TFPI: variants seen among roughly 807,000 people sequenced by gnomAD.
TFPI encodes the protein anti-convertin.
A neutral mutation model predicts 34.6 loss-of-function variants in TFPI; 15 were observed. The observed-to-expected ratio is 0.43, with a 90% CI of 0.29 to 0.67. The LOEUF is 0.67. Ranked by LOEUF, TFPI falls within the 30% of genes least tolerant of loss-of-function variation. The probability of loss-of-function intolerance (pLI) is 0.15; values close to 1 mark genes in which losing one functional copy is unlikely to be tolerated. For synonymous variants in TFPI, 105 were observed against 120.1 expected (o/e 0.87, Z 0.82); for missense variants, 301 against 364.0 (o/e 0.83, Z 1.41).
At chr2:187,475,296 C>T (rs954902480) in intron 6 of TFPI, among the ~76,000 whole-genome samples, 5 of 151,908 alleles carry the variant, frequency 3.3e-5, no homozygotes, top group African/African-American at 9.7e-5. Flanking sequence ...GATCCAAAGA[C>T]AAAAAATATG....
intron 6 of TFPI, 119 bp downstream of exon 6, chr2:187,484,002 CATT>C (rs991554131): frequency 3.9e-6 from 3 of 774,998 alleles, no homozygotes; most frequent in African/African-American, 3.6e-5. Flanking sequence ...TCAACAAACA[CATT>C]ATTAAGCAAC....
Position 187,497,089 on chromosome 2 carries a change from A to G in TFPI, c.122-11T>C, listed in dbSNP as rs751294037. 6.2e-7 allele frequency: 1 copy of G among 1,604,140 alleles called. No individual in the cohort carries two copies. Among genetic ancestry groups the G allele is most frequent in the South Asian group, 1.1e-5 (1 of 90,200 alleles). Reference sequence around the variant, plus strand: ...GTGGCAACTCCGTATCTATAAAGTAAAAATAAAAGATATAACATGTAATCT... The same window carrying G: ...GTGGCAACTCCGTATCTATAAAGTAGAAATAAAAGATATAACATGTAATCT... On this transcript the variant is annotated splice_polypyrimidine_tract_variant and intron_variant, in intron 2 of 7. Transcript: ENST00000233156.
intron 1 of TFPI, among the ~76,000 whole-genome samples, chr2:187,535,452 A>T (rs968826705): frequency 1.3e-5 from 2 of 152,214 alleles, no homozygotes; most frequent in Non-Finnish European, 2.9e-5. Flanking sequence ...ATACAACTAC[A>T]TGGAAACTGA....
At chr2:187,519,416 C>G (rs1687223727) in intron 1 of TFPI, 1 of 152,990 alleles carries the variant, frequency 6.5e-6, no homozygotes, top group South Asian at 2.1e-4. Flanking sequence ...CAGTGCAGGT[C>G]TGCTGGAGTT....
rs189092849 is a variant in TFPI at position 187,523,590 on chromosome 2, A to T, written c.-2-19820T>A. 3.7e-3 allele frequency among the ~76,000 whole-genome samples: 556 copies of T among 152,106 alleles called. 5 individuals carry two copies. The highest frequency in any genetic ancestry group is 0.012 in the African/African-American group (490 of 41,432). On this transcript the variant is annotated intron_variant, in intron 1 of 7. Transcript: ENST00000233156. ...CCTGACCTTTTAATTTATTTTTTTT[A>T]AATTGTATAAATTAAGGTTCACTCT... is the stretch of plus-strand genomic sequence containing the variant.
At chr2:187,482,351 CTG>C (rs1377931933) in intron 6 of TFPI, among the ~76,000 whole-genome samples, 1 of 151,868 alleles carries the variant, frequency 6.6e-6, no homozygotes, top group African/African-American at 2.4e-5. Context: ...AATATAATAA[CTG>C]AATAAAACAA....
chr2:187,467,193 C>G, intron 7 of TFPI, 151 bp from the exon 8 acceptor site: 3 of 528,190 alleles, frequency 5.7e-6, no homozygotes, highest in Non-Finnish European at 9.6e-6. Context: ...TCGTGTAGAA[C>G]AATTTATTTT....
At chr2:187,510,566 G>C (rs536095766) in intron 1 of TFPI, among the ~76,000 whole-genome samples, 1 of 152,288 alleles carries the variant, frequency 6.6e-6, no homozygotes, top group South Asian at 2.1e-4. Flanking sequence ...AAAACTAAAA[G>C]GCAGAAATGA....
intron 1 of TFPI, chr2:187,519,636 T>A (rs1381979993): frequency 6.6e-6 from 1 of 152,386 alleles, no homozygotes; most frequent in Non-Finnish European, 1.5e-5. Context: ...GGGATCCACT[T>A]GAGGAGGCAG....
At chr2:187,512,185 C>A (rs1686686194) in intron 1 of TFPI, among the ~76,000 whole-genome samples, 1 of 150,596 alleles carries the variant, frequency 6.6e-6, no homozygotes, top group Non-Finnish European at 1.5e-5. Flanking sequence ...TCTGTAGCGG[C>A]AACTGCTTTG....
chr2:187,546,867 T>C (rs558972626), intron 1 of TFPI: 1 of 152,342 alleles, frequency 6.6e-6, no homozygotes, highest in African/African-American at 2.4e-5. Context: ...TTAGTTAAAA[T>C]CAATCTATTA....
intron 3 of TFPI, 125 bp downstream of exon 3, chr2:187,496,756 A>G: frequency 1.1e-6 from 1 of 872,646 alleles, no homozygotes; most frequent in Admixed American, 3.0e-5. Flanking sequence ...AAAAATGTGG[A>G]AATAAAAGAT....
intron 1 of TFPI, among the ~76,000 whole-genome samples, chr2:187,521,506 A>C (rs1687370436): frequency 6.6e-6 from 1 of 151,900 alleles, no homozygotes; most frequent in South Asian, 2.1e-4. Flanking sequence ...TTTTTGAGAA[A>C]CCTTCATATT....
At chr2:187,519,170 A>C (rs1163214308) in intron 1 of TFPI, 1 of 152,130 alleles carries the variant, frequency 6.6e-6, no homozygotes, top group East Asian at 1.9e-4. Flanking sequence ...TTCTCCGTCC[A>C]GTTCTGTTCC....
chr2:187,514,891 G>A (rs1185108730), intron 1 of TFPI: 1 of 152,238 alleles, frequency 6.6e-6, no homozygotes, highest in Non-Finnish European at 1.5e-5. Context: ...ATTTTGGTGG[G>A]TGACAGTTAA....
intron 1 of TFPI, among the ~76,000 whole-genome samples, chr2:187,504,136 C>G (rs1370448162): frequency 2.0e-5 from 3 of 152,056 alleles, no homozygotes; most frequent in Non-Finnish European, 4.4e-5. Context: ...ATCTTTCGCA[C>G]AGCTATTCTT....
intron 3 of TFPI, among the ~76,000 whole-genome samples, chr2:187,492,105 T>C (rs1240226628): frequency 6.6e-6 from 1 of 152,168 alleles, no homozygotes; most frequent in African/African-American, 2.4e-5. Flanking sequence ...TAGTCTTTTG[T>C]CCAATACACA....
chr2:187,528,896 A>G (rs1039681916), intron 1 of TFPI, among the ~76,000 whole-genome samples: 2 of 152,106 alleles, frequency 1.3e-5, no homozygotes, highest in Non-Finnish European at 2.9e-5. Flanking sequence ...CATATTTAAC[A>G]CTGATGTATA....
chr2:187,527,117 A>G (rs1029923670), intron 1 of TFPI: 4 of 152,180 alleles, frequency 2.6e-5, no homozygotes, highest in Non-Finnish European at 4.4e-5. Context: ...AGTTTACAGC[A>G]CACTAATACC....
Sources: allele counts gnomAD v4.1 joint callset (sites outside exome capture counted in the v4.1 genomes callset), GRCh38; gene constraint gnomAD v4.1.1; transcripts MANE v1.5; gene names NCBI Gene and HGNC (gene_info 2026-07-23, HGNC 2026-07-21).